Variants in TMEM131 observed in about 807,000 individuals in gnomAD.
TMEM131 encodes the protein transmembrane protein 131, also known as 2610524E03Rik.
Under a neutral mutation model 211.6 loss-of-function variants are expected in TMEM131, and 66 were observed. That is an observed-to-expected ratio of 0.31 (90% CI 0.26 to 0.38). The LOEUF (loss-of-function observed/expected upper bound fraction) is 0.38, where lower values mean the gene tolerates loss of function less well. Among genes scored for constraint, TMEM131 ranks in the 10% least tolerant of loss-of-function variants. The probability of loss-of-function intolerance (pLI) is 1.00; values close to 1 mark genes in which losing one functional copy is unlikely to be tolerated. For missense variants in TMEM131, 2,036 were observed against 2,299.3 expected, an observed-to-expected ratio of 0.89 and a Z score of 2.34; for synonymous variants, 844 against 841.3, an observed-to-expected ratio of 1.00 and a Z score of -0.06.
chr2:97,950,467 CCT>C (rs896024256), intron 1 of TMEM131, among the ~76,000 whole-genome samples: 74 of 152,218 alleles, frequency 4.9e-4, no homozygotes, highest in Non-Finnish European at 5.7e-4. Flanking sequence ...TAGCCCTAGT[CCT>C]CTCTCCAGTA....
At position 97,784,711 on chromosome 2, in the gene TMEM131, TAAATC is replaced by T. The variant is rs532844263; in HGVS notation, c.4144+7670_4144+7674del. On this transcript the variant is annotated intron_variant, in intron 31 of 40. Transcript: ENST00000186436. ...CATAACTAAAAAAAGAGCAGAAAAA[TAAATC>T]TAAAGTAAGCAGGACAAAGATAATA... Among the ~76,000 whole-genome samples, 58 of 151,694 alleles carry T rather than the reference TAAATC, an allele frequency of 3.8e-4. No homozygotes were observed. The South Asian group carries it at 0.011, about 29-fold the overall frequency.
intron 1 of TMEM131, among the ~76,000 whole-genome samples, chr2:97,964,904 T>C (rs1031372194): frequency 3.3e-5 from 5 of 152,258 alleles, no homozygotes; most frequent in Non-Finnish European, 7.3e-5. Flanking sequence ...CTATAAAATA[T>C]AGATACAATT....
intron 17 of TMEM131, 148 bp from the exon 18 acceptor site, chr2:97,811,380 T>C: frequency 1.6e-6 from 1 of 639,304 alleles, no homozygotes; most frequent in South Asian, 1.7e-5. Flanking sequence ...TGTGTACAAA[T>C]ATCTCAAAAT....
At chr2:97,774,505 G>A (rs1679621299) in intron 32 of TMEM131, among the ~76,000 whole-genome samples, 1 of 152,246 alleles carries the variant, frequency 6.6e-6, no homozygotes, top group Admixed American at 6.5e-5. Flanking sequence ...GGAGGGGACA[G>A]GGTAGTAACC....
At chr2:97,787,492 C>G (rs985898015) in intron 31 of TMEM131, among the ~76,000 whole-genome samples, 2 of 152,222 alleles carry the variant, frequency 1.3e-5, no homozygotes, top group Non-Finnish European at 2.9e-5. Flanking sequence ...CCCCAGGCTT[C>G]AGGGGTGCTG....
At chr2:97,987,300 CAA>C (rs1266237674) in intron 1 of TMEM131, among the ~76,000 whole-genome samples, 1 of 152,098 alleles carries the variant, frequency 6.6e-6, no homozygotes, top group African/African-American at 2.4e-5. Context: ...ATCATGAGGT[CAA>C]GAGATCGAGA....
intron 4 of TMEM131, among the ~76,000 whole-genome samples, chr2:97,866,061 T>C (rs943548171): frequency 6.6e-6 from 1 of 152,294 alleles, no homozygotes; most frequent in African/African-American, 2.4e-5. Flanking sequence ...TTTTGTTGTA[T>C]CTTTAGTAGA....
intron 8 of TMEM131, 88 bp from the exon 9 acceptor site, chr2:97,835,013 A>T (rs556084020): frequency 3.6e-6 from 5 of 1,405,862 alleles, no homozygotes; most frequent in African/African-American, 1.4e-5. Flanking sequence ...CACTGACTGA[A>T]AGATGAGTAT....
intron 19 of TMEM131, among the ~76,000 whole-genome samples, chr2:97,806,324 G>A (rs1043324927): frequency 6.6e-6 from 1 of 152,170 alleles, no homozygotes; most frequent in Non-Finnish European, 1.5e-5. Context: ...ATCACTTGAG[G>A]CCAGGAGTTC....
intron 32 of TMEM131, 114 bp from the exon 33 acceptor site, chr2:97,772,538 G>T: frequency 8.3e-7 from 1 of 1,206,134 alleles, no homozygotes; most frequent in Non-Finnish European, 1.1e-6. Context: ...CATCATATAC[G>T]TAAAAACAAA....
rs536140099 is a variant in TMEM131 at position 97,889,842 on chromosome 2, G to A, written c.291-1722C>T. 8.2e-4 allele frequency among the ~76,000 whole-genome samples: 125 copies of A among 152,220 alleles called. 1 individual carries two copies. Among genetic ancestry groups the A allele is most frequent in the African/African-American group, 2.9e-3 (120 of 41,530 alleles). ...GTCTATTGGCTGGGGCTACAGTGGG[G>A]AATAAAGAAAAGCACCTGCTCTCAT... is the stretch of plus-strand genomic sequence containing the variant. On this transcript the variant is annotated intron_variant, in intron 3 of 40. Coordinates refer to ENST00000186436, the MANE Select transcript of TMEM131 (RefSeq NM_015348.2).
intron 1 of TMEM131, among the ~76,000 whole-genome samples, chr2:97,940,827 C>T (rs548274113): frequency 1.3e-5 from 2 of 148,716 alleles, no homozygotes; most frequent in Non-Finnish European, 3.0e-5. Context: ...AAAAAAAAGA[C>T]AAAAACAAAT....
In TMEM131 at chr2:97,995,584, G is replaced by A; in HGVS notation, c.79C>T (p.Pro27Ser). Residue 27 changes from proline to serine, a missense_variant, in exon 1 of 41, where the codon CCT (proline) becomes TCT (serine). This residue lies in a region of TMEM131 where 136 missense variants were observed against 115.4 expected (regional missense o/e 1.18). Coordinates refer to ENST00000186436, the MANE Select transcript of TMEM131 (RefSeq NM_015348.2). ...GGGCCCCCGCTACGGGCGGCCGCAG[G>A]TTCCAGCCCGGCCCCGGCGGACGTG... ...VSTSAGAGLEPAAARSGGPRS... is the reference protein window; with the variant it reads ...VSTSAGAGLESAAARSGGPRS... The A allele has an allele frequency of 2.3e-6, 3 of 1,282,186 alleles. No individual in the cohort carries two copies. Among genetic ancestry groups the A allele is most frequent in the Non-Finnish European group, 2.0e-6 (2 of 1,016,898 alleles). 79.4% of individuals were successfully genotyped at this position (1,282,186 alleles called of 1,614,324 possible).
intron 1 of TMEM131, among the ~76,000 whole-genome samples, chr2:97,956,900 C>T (rs1232815516): frequency 6.6e-6 from 1 of 151,980 alleles, no homozygotes; most frequent in African/African-American, 2.4e-5. Context: ...GAGTTTGAGA[C>T]CAGCCTGGCC....
intron 40 of TMEM131, among the ~76,000 whole-genome samples, chr2:97,758,604 G>C (rs1678643165): frequency 6.6e-6 from 1 of 152,360 alleles, no homozygotes; most frequent in South Asian, 2.1e-4. Flanking sequence ...AGGTTGGGAA[G>C]AGGCAGAAAA....
At chr2:97,822,712 G>A (rs1208448914) in intron 11 of TMEM131, among the ~76,000 whole-genome samples, 3 of 152,078 alleles carry the variant, frequency 2.0e-5, no homozygotes, top group African/African-American at 4.8e-5. Context: ...CTGCTGCTGC[G>A]TTGGTGAGTG....
At chr2:97,771,417 T>C (rs1323364505) in intron 33 of TMEM131, among the ~76,000 whole-genome samples, 1 of 152,180 alleles carries the variant, frequency 6.6e-6, no homozygotes, top group Non-Finnish European at 1.5e-5. Flanking sequence ...AACTCAAGTA[T>C]GATTCCCAGG....
intron 3 of TMEM131, among the ~76,000 whole-genome samples, chr2:97,894,079 T>C (rs1305009913): frequency 6.6e-6 from 1 of 152,234 alleles, no homozygotes; most frequent in Admixed American, 6.5e-5. Flanking sequence ...AAGGGTCCAG[T>C]TTCAGTTTTC....
chr2:97,784,047 CAGCAATGTTAAATGTAAA>C (rs1359714418), intron 31 of TMEM131, among the ~76,000 whole-genome samples: 6 of 151,738 alleles, frequency 4.0e-5, no homozygotes, highest in Admixed American at 6.6e-5. Flanking sequence ...CAAGAAGTTA[CAGCAATGTTAAATGTAAA>C]TGCATCAAAC....
Sources: allele counts gnomAD v4.1 joint callset (sites outside exome capture counted in the v4.1 genomes callset), GRCh38; gene constraint gnomAD v4.1.1; regional missense constraint gnomAD v4.1.1; transcripts MANE v1.5; gene names NCBI Gene and HGNC (gene_info 2026-07-23, HGNC 2026-07-21).